Variants in LRP1B observed in about 807,000 individuals in gnomAD.
LRP1B encodes LDL receptor related protein 1B, also known as low-density lipoprotein receptor-related protein 1B.
In LRP1B, 217 loss-of-function variants were observed where a neutral mutation model predicts 556.6. The observed-to-expected ratio is 0.39, with a 90% CI of 0.35 to 0.44. The LOEUF (loss-of-function observed/expected upper bound fraction) is 0.44. Ranked by LOEUF, LRP1B falls within the 20% of genes least tolerant of loss-of-function variation. The pLI is 1.00. For synonymous variants in LRP1B, 2,047 were observed against 1,865.8 expected (o/e 1.10, Z -2.50); for missense variants, 5,053 against 5,620.8 (o/e 0.90, Z 3.23).
At chr2:141,188,819 T>A (rs1681374370) in intron 6 of LRP1B, among the ~76,000 whole-genome samples, 1 of 152,016 alleles carries the variant, frequency 6.6e-6, no homozygotes, top group African/African-American at 2.4e-5. Context: ...CCTAGATACA[T>A]GCATAAAGAG....
At chr2:142,048,488 C>G (rs1204683422) in intron 1 of LRP1B, among the ~76,000 whole-genome samples, 1 of 152,052 alleles carries the variant, frequency 6.6e-6, no homozygotes, top group Non-Finnish European at 1.5e-5. Context: ...AAGAGTGAAA[C>G]TCTTTCTACT....
chr2:141,493,006 C>T (rs1169280456), intron 2 of LRP1B, among the ~76,000 whole-genome samples: 1 of 152,104 alleles, frequency 6.6e-6, no homozygotes, highest in Non-Finnish European at 1.5e-5. Context: ...AGGATAATTG[C>T]TGTTTATTGA....
At chr2:141,493,951 A>G (rs1683425061) in intron 2 of LRP1B, among the ~76,000 whole-genome samples, 1 of 152,162 alleles carries the variant, frequency 6.6e-6, no homozygotes, top group East Asian at 1.9e-4. Context: ...GTAAAGCCCA[A>G]TTCTTACAAT....
At chr2:140,969,870 G>A (rs987366288) in intron 18 of LRP1B, among the ~76,000 whole-genome samples, 2 of 152,160 alleles carry the variant, frequency 1.3e-5, no homozygotes, top group Non-Finnish European at 2.9e-5. Context: ...CTGGCTTGTA[G>A]AGTTTCTGCC....
intron 72 of LRP1B, among the ~76,000 whole-genome samples, chr2:140,363,725 C>G (rs1009244590): frequency 6.6e-6 from 1 of 151,376 alleles, no homozygotes; most frequent in Admixed American, 6.6e-5. Flanking sequence ...AATAAAGCTG[C>G]CTGCATTTTT....
In LRP1B at chr2:141,761,764, G is replaced by C. The variant is rs559311591; in HGVS notation, c.205+48515C>G. ...AATGCCAAAAACCCAGCTTCAAAAAGATAAGATATCATCAAAAGGAATATG... is the reference window on the plus strand; with the variant it reads ...AATGCCAAAAACCCAGCTTCAAAAACATAAGATATCATCAAAAGGAATATG... On this transcript the variant is annotated intron_variant, in intron 2 of 90. Coordinates refer to ENST00000389484, the MANE Select transcript of LRP1B (RefSeq NM_018557.3). Among the ~76,000 whole-genome samples the C allele has an allele frequency of 2.6e-5, 4 of 152,252 alleles. No individual in the cohort carries two copies. The East Asian group carries it at 5.8e-4, about 22-fold the overall frequency.
Position 141,268,329 on chromosome 2 carries a change from C to T in LRP1B, c.344-13688G>A, listed in dbSNP as rs142722606. Among the ~76,000 whole-genome samples, 56 of 151,964 alleles carry T rather than the reference C, an allele frequency of 3.7e-4. 1 individual carries two copies. In the East Asian group the frequency reaches 7.9e-3, roughly 21 times the overall value. On this transcript the variant is annotated intron_variant, in intron 3 of 90. Coordinates refer to ENST00000389484, the MANE Select transcript of LRP1B (RefSeq NM_018557.3). Reference sequence around the variant, plus strand: ...AATGATATCAACAAAAATTTAGAAGCAAAAAAGCAGTACATTAGTGTTAGC... The same window carrying T: ...AATGATATCAACAAAAATTTAGAAGTAAAAAAGCAGTACATTAGTGTTAGC...
chr2:141,358,792 A>G (rs574030981), intron 3 of LRP1B, among the ~76,000 whole-genome samples: 26 of 152,338 alleles, frequency 1.7e-4, no homozygotes, highest in Non-Finnish European at 3.7e-4. Flanking sequence ...TAGAGATGAT[A>G]GGCCAAAATA....
chr2:140,387,086 T>C (rs2105201082), intron 66 of LRP1B, among the ~76,000 whole-genome samples: 1 of 152,278 alleles, frequency 6.6e-6, no homozygotes, highest in East Asian at 1.9e-4. Flanking sequence ...TTATAAGCCT[T>C]AATACAATAC....
chr2:140,817,656 A>G (rs548716204), intron 31 of LRP1B, among the ~76,000 whole-genome samples: 17 of 152,026 alleles, frequency 1.1e-4, no homozygotes, highest in Non-Finnish European at 2.9e-5. Flanking sequence ...TATTACTGAA[A>G]AAATTAAGTT....
At chr2:140,247,535 G>C (rs1681219898) in intron 86 of LRP1B, among the ~76,000 whole-genome samples, 1 of 151,568 alleles carries the variant, frequency 6.6e-6, no homozygotes, top group Non-Finnish European at 1.5e-5. Flanking sequence ...AAATCCTTCT[G>C]TAAGTATCTG....
At chr2:140,392,054 T>C (rs1007632552) in intron 66 of LRP1B, among the ~76,000 whole-genome samples, 1 of 152,102 alleles carries the variant, frequency 6.6e-6, no homozygotes, top group Non-Finnish European at 1.5e-5. Context: ...GTCTCTGAAA[T>C]GGTAATAAAA....
chr2:140,568,188 T>A (rs1681195179), intron 43 of LRP1B, among the ~76,000 whole-genome samples: 1 of 100,472 alleles, frequency 1.0e-5, no homozygotes, highest in East Asian at 3.0e-4. Context: ...CTTAAGATAA[T>A]GCACCATGGT....
intron 32 of LRP1B, among the ~76,000 whole-genome samples, chr2:140,803,576 G>A (rs888490784): frequency 6.6e-6 from 1 of 151,982 alleles, no homozygotes; most frequent in African/African-American, 2.4e-5. Context: ...GGGATTACAG[G>A]CATGAGCCAC....
chr2:140,578,217 C>CT (rs980098037), intron 43 of LRP1B, among the ~76,000 whole-genome samples: 5 of 151,802 alleles, frequency 3.3e-5, no homozygotes, highest in Non-Finnish European at 7.4e-5. Context: ...TTTGACTTTT[C>CT]TTTTTTCCAA....
chr2:140,917,072 G>A (rs1349501940), intron 21 of LRP1B, among the ~76,000 whole-genome samples: 1 of 152,126 alleles, frequency 6.6e-6, no homozygotes, highest in Non-Finnish European at 1.5e-5. Context: ...CAATTTAATG[G>A]CAAATGAACA....
At chr2:140,996,465 T>C (rs935902082) in intron 15 of LRP1B, among the ~76,000 whole-genome samples, 7 of 152,070 alleles carry the variant, frequency 4.6e-5, no homozygotes, top group African/African-American at 1.7e-4. Flanking sequence ...ACAAAGCATT[T>C]GTTTTATAAT....
intron 3 of LRP1B, among the ~76,000 whole-genome samples, chr2:141,304,873 T>C (rs1188652621): frequency 6.6e-6 from 1 of 152,188 alleles, no homozygotes; most frequent in East Asian, 1.9e-4. Context: ...CTTTCCTTGA[T>C]GTTTCTTCTT....
chr2:140,610,530 C>T (rs1237622390), intron 41 of LRP1B, among the ~76,000 whole-genome samples: 1 of 152,186 alleles, frequency 6.6e-6, no homozygotes, highest in Non-Finnish European at 1.5e-5. Context: ...CCCGCCCTAC[C>T]ACTTTACTAG....
Sources: allele counts gnomAD v4.1 joint callset (sites outside exome capture counted in the v4.1 genomes callset), GRCh38; gene constraint gnomAD v4.1.1; transcripts MANE v1.5; gene names NCBI Gene and HGNC (gene_info 2026-07-23, HGNC 2026-07-21).